Variants in RYR3 observed in about 807,000 individuals in gnomAD.
The protein encoded by RYR3 is ryanodine receptor 3.
Under a neutral mutation model 584.3 loss-of-function variants are expected in RYR3, and 207 were observed. That is an observed-to-expected ratio of 0.35 (90% confidence interval 0.32 to 0.40). RYR3 has a LOEUF of 0.40. Ranked by LOEUF, RYR3 falls within the 10% of genes least tolerant of loss-of-function variation. The pLI is 1.00. For missense variants in RYR3, 5,616 were observed against 6,089.2 expected (o/e 0.92, Z 2.59); for synonymous variants, 2,416 against 2,248.5 (o/e 1.07, Z -2.11).
intron 44 of RYR3, among the ~76,000 whole-genome samples, chr15:33,723,206 CTCCTTGTCTAACTTCAGCATGTT>C (rs2068079645): frequency 1.3e-5 from 2 of 152,338 alleles, no homozygotes; most frequent in South Asian, 4.1e-4. Context: ...CAAGGTTGTA[CTCCTTGTCTAACTTCAGCATGTT>C]TCCTTCAGTA....
chr15:33,679,111 G>C (rs78703109), intron 38 of RYR3, among the ~76,000 whole-genome samples: 1,588 of 152,188 alleles, frequency 0.01, 5 homozygotes, highest in Non-Finnish European at 0.015. Context: ...TTTTGGCCTA[G>C]AGGATGCTCT....
rs866654080 is a variant in RYR3, at chr15:33,826,702, C to T, written c.11195C>T (p.Thr3732Met). ...GEKVLQNDEF[T>M]RDLFRFLQLL... ...AAAGTACTCCAGAATGACGAGTTCA[C>T]GCGTGATCTCTTTAGATTCCTACAG... The change falls in exon 84 of 104, where the codon ACG becomes ATG. Residue 3732 changes from threonine to methionine, a missense_variant. Around this residue, in one of 9 missense-constraint regions of RYR3, gnomAD observed 954 missense variants for 1,132.2 expected, o/e 0.84. Transcript: ENST00000634891. 2.0e-5 allele frequency: 33 copies of T among 1,613,778 alleles called. No homozygotes were observed. The South Asian group carries it at 2.1e-4, about 10-fold the overall frequency.
chr15:33,440,777 C>T (rs2596236), intron 1 of RYR3, among the ~76,000 whole-genome samples: 102,402 of 152,108 alleles, frequency 0.67, 36,217 homozygotes, highest in African/African-American at 0.91. Context: ...AATATGCAGA[C>T]GAGCTTGATA....
chr15:33,574,388 C>T (rs775441511), intron 12 of RYR3, among the ~76,000 whole-genome samples: 57 of 152,158 alleles, frequency 3.7e-4, no homozygotes, highest in Non-Finnish European at 6.9e-4. Flanking sequence ...GAAGTTCTAT[C>T]AAATTGAGTT....
At chr15:33,336,160 A>C (rs759575811) in intron 1 of RYR3, among the ~76,000 whole-genome samples, 14 of 152,100 alleles carry the variant, frequency 9.2e-5, no homozygotes, top group Non-Finnish European at 1.5e-4. Flanking sequence ...ATCAGCAAAA[A>C]GCACCATGAG....
intron 43 of RYR3, among the ~76,000 whole-genome samples, chr15:33,714,067 C>T (rs1370449553): frequency 6.6e-6 from 1 of 152,078 alleles, no homozygotes. Context: ...ATACCTTGCC[C>T]AGAGTCTCAT....
At position 33,763,155 on chromosome 15, in the gene RYR3, C is replaced by T. The variant is rs148769086; in HGVS notation, c.8706-5503C>T. Among the ~76,000 whole-genome samples the T allele has an allele frequency of 2.4e-3, 371 of 152,176 alleles. 3 individuals carry two copies. The highest frequency in any genetic ancestry group is 8.5e-3 in the African/African-American group (353 of 41,530). ...AAGACTTAAACATAAGACCTAAAAC[C>T]GTAAAAAGCCTAGAAGAAAACCTAG... On this transcript the variant is annotated intron_variant, in intron 60 of 103. Transcript: ENST00000634891.
intron 1 of RYR3, among the ~76,000 whole-genome samples, chr15:33,330,995 G>A (rs908092588): frequency 6.6e-6 from 1 of 152,148 alleles, no homozygotes; most frequent in African/African-American, 2.4e-5. Flanking sequence ...CCCTGTAGCT[G>A]CTTTCCCCAG....
rs143812197 is a variant in RYR3, at chr15:33,420,123, C to T, written c.52-53296C>T. 5.3e-5 allele frequency among the ~76,000 whole-genome samples: 8 copies of T among 152,280 alleles called. No individual in the cohort carries two copies. The East Asian group carries it at 1.5e-3, about 29-fold the overall frequency. On this transcript the variant is annotated intron_variant, in intron 1 of 103. Coordinates refer to ENST00000634891, the MANE Select transcript of RYR3 (RefSeq NM_001036.6). ...TCAGACAATAGGTGACTTTCCACAG[C>T]AATTCTTAATGTGTTACCATAATCA...
intron 46 of RYR3, among the ~76,000 whole-genome samples, chr15:33,727,144 C>T (rs747196224): frequency 6.6e-6 from 1 of 152,240 alleles, no homozygotes; most frequent in Non-Finnish European, 1.5e-5. Context: ...GGCCCCCACA[C>T]AGCCTGTCTT....
intron 1 of RYR3, among the ~76,000 whole-genome samples, chr15:33,434,068 C>A (rs751766071): frequency 1.1e-4 from 16 of 152,186 alleles, no homozygotes; most frequent in Non-Finnish European, 2.1e-4. Flanking sequence ...TGCACCTTTT[C>A]TGATGGTAGT....
At chr15:33,848,959 C>T in intron 94 of RYR3, 1 of 152,008 alleles carries the variant, frequency 6.6e-6, no homozygotes, top group Non-Finnish European at 1.5e-5. Context: ...CCTTAGCCTC[C>T]CGAGTAGCTG....
chr15:33,853,420 C>T, intron 95 of RYR3, 135 bp from the exon 96 acceptor site: 6 of 1,161,736 alleles, frequency 5.2e-6, no homozygotes, highest in Middle Eastern at 6.0e-4. Context: ...TCTCTTTTTT[C>T]TGCATTTTGA....
At chr15:33,736,561 A>T (rs1383351491) in intron 49 of RYR3, among the ~76,000 whole-genome samples, 1 of 152,170 alleles carries the variant, frequency 6.6e-6, no homozygotes, top group Non-Finnish European at 1.5e-5. Flanking sequence ...CTTGATATTT[A>T]GCTGCATTTA....
intron 47 of RYR3, among the ~76,000 whole-genome samples, chr15:33,730,039 C>T (rs2068810229): frequency 1.3e-5 from 2 of 151,728 alleles, no homozygotes; most frequent in African/African-American, 4.9e-5. Context: ...ATCCCTAATA[C>T]TGAATAACCC....
At chr15:33,756,469 C>G in intron 59 of RYR3, 96 bp downstream of exon 59, 3 of 877,748 alleles carry the variant, frequency 3.4e-6, no homozygotes, top group Admixed American at 2.3e-5. Context: ...ATCTAAAACT[C>G]CAATGGCTTC....
intron 67 of RYR3, among the ~76,000 whole-genome samples, chr15:33,789,641 TATATATATATATA>T: frequency 4.1e-5 from 1 of 24,552 alleles, no homozygotes; most frequent in Non-Finnish European, 8.1e-5. Flanking sequence ...TATATATATA[TATATATATATATA>T]TATATTTTTT....
Position 33,311,605 on chromosome 15 carries a change from A to G in RYR3, c.51+509A>G, listed in dbSNP as rs571821124. 6.6e-6 allele frequency among the ~76,000 whole-genome samples: 1 copy of G among 152,288 alleles called. No individual in the cohort carries two copies. The highest frequency in any genetic ancestry group is 2.1e-4 in the South Asian group (1 of 4,822). Reference sequence around the variant, plus strand: ...GGAGCCGGGTCGGAGAAGCGGGCGCAGGCGCTTGGTCCTAGCCCTGGGATC... The same window carrying G: ...GGAGCCGGGTCGGAGAAGCGGGCGCGGGCGCTTGGTCCTAGCCCTGGGATC... On this transcript the variant is annotated intron_variant, in intron 1 of 103. Transcript: ENST00000634891. This position sits in a 1 kb window ranked among gnomAD's most constrained non-coding sequence, Gnocchi z 4.4.
intron 41 of RYR3, 147 bp from the exon 42 acceptor site, chr15:33,700,830 G>A (rs926505943): frequency 2.6e-5 from 14 of 534,462 alleles, no homozygotes; most frequent in South Asian, 5.7e-5. Flanking sequence ...TAATGCAAGC[G>A]GACTGTCCCA....
Sources: gnomAD v4.1 joint callset for allele counts (sites outside exome capture counted in the v4.1 genomes callset) on GRCh38, gnomAD v4.1.1 for gene constraint, gnomAD v4.1.1 regional missense constraint, Gnocchi (gnomAD v3.1) non-coding constraint, MANE v1.5 for transcripts, NCBI Gene and HGNC (gene_info 2026-07-23, HGNC 2026-07-21) for gene names.